SDK1: variants seen among roughly 807,000 people sequenced by gnomAD.
SDK1 encodes the protein protein sidekick-1.
SDK1 carries 157 observed loss-of-function variants against 245.5 expected under a neutral mutation model. The ratio of observed to expected loss-of-function variants is 0.64; its 90% CI spans 0.56 to 0.73. SDK1 has a LOEUF of 0.73. Ranked by LOEUF, SDK1 falls within the 30% of genes least tolerant of loss-of-function variation. The pLI is 0.00. For synonymous variants in SDK1, 1,647 were observed against 1,278.5 expected (o/e 1.29, Z -6.15); for missense variants, 3,583 against 3,002.3 (o/e 1.19, Z -4.52).
chr7:3,863,293 TC>T (rs1179915060), intron 5 of SDK1, among the ~76,000 whole-genome samples: 1 of 152,176 alleles, frequency 6.6e-6, no homozygotes, highest in Non-Finnish European at 1.5e-5. Flanking sequence ...CAGAGACCTT[TC>T]CAGTGAGGGA....
intron 5 of SDK1, among the ~76,000 whole-genome samples, chr7:3,823,430 T>A (rs986384144): frequency 6.6e-6 from 1 of 152,192 alleles, no homozygotes; most frequent in Non-Finnish European, 1.5e-5. Flanking sequence ...TGAAACTGTT[T>A]AACATCACAA....
chr7:3,994,625 G>A (rs913048894), intron 14 of SDK1, among the ~76,000 whole-genome samples: 1 of 137,926 alleles, frequency 7.3e-6, no homozygotes, highest in African/African-American at 2.8e-5. Context: ...CTGGGAGACA[G>A]AATGAGACTT....
intron 4 of SDK1, among the ~76,000 whole-genome samples, chr7:3,817,128 G>A (rs895511823): frequency 6.6e-6 from 1 of 152,148 alleles, no homozygotes; most frequent in African/African-American, 2.4e-5. Context: ...AATACTTATT[G>A]ATAACCAAAG....
intron 1 of SDK1, among the ~76,000 whole-genome samples, chr7:3,521,185 C>G (rs1028255817): frequency 1.3e-5 from 2 of 152,124 alleles, no homozygotes; most frequent in Non-Finnish European, 2.9e-5. Context: ...TCCATGTGAC[C>G]CTGTCCAGCA....
At chr7:3,642,386 G>C (rs1161065912) in intron 4 of SDK1, among the ~76,000 whole-genome samples, 1 of 152,048 alleles carries the variant, frequency 6.6e-6, no homozygotes, top group Non-Finnish European at 1.5e-5. Flanking sequence ...TTTCTTTTCT[G>C]AGTGTACTTT....
intron 4 of SDK1, among the ~76,000 whole-genome samples, chr7:3,688,696 C>T (rs533389230): frequency 2.6e-5 from 4 of 152,290 alleles, no homozygotes; most frequent in Non-Finnish European, 5.9e-5. Flanking sequence ...TGTAAAGTAT[C>T]TTCCAGTGTT....
chr7:3,646,571 G>T (rs906661544), intron 4 of SDK1, among the ~76,000 whole-genome samples: 2 of 152,084 alleles, frequency 1.3e-5, no homozygotes, highest in African/African-American at 4.8e-5. Context: ...CAGAGCCAGG[G>T]TTCACACCCG....
chr7:4,121,050 G>A (rs1044468421), intron 25 of SDK1, among the ~76,000 whole-genome samples: 1 of 151,776 alleles, frequency 6.6e-6, no homozygotes, highest in Non-Finnish European at 1.5e-5. Flanking sequence ...GAATGCAGAG[G>A]ATAATATTTT....
intron 1 of SDK1, among the ~76,000 whole-genome samples, chr7:3,568,997 G>T (rs1247248405): frequency 2.3e-5 from 3 of 131,580 alleles, no homozygotes; most frequent in Non-Finnish European, 4.7e-5. Context: ...AATATTTAGT[G>T]TGGCATATGT....
At chr7:3,951,090 G>A (rs1161576027) in intron 6 of SDK1, 56 bp downstream of exon 6, 2 of 1,276,040 alleles carry the variant, frequency 1.6e-6, no homozygotes, top group Non-Finnish European at 2.3e-6. Context: ...CCTGTGACGA[G>A]CCGACGATAG....
Position 3,665,498 on chromosome 7 carries a change from C to T in SDK1, c.713+23393C>T, listed in dbSNP as rs1026311712. ...TTTGCATCTCTTGTATACAACACAC[C>T]ATAGCACACCACACATATTGATGTT... On this transcript the variant is annotated intron_variant, in intron 4 of 44. Coordinates refer to ENST00000404826, the MANE Select transcript of SDK1 (RefSeq NM_152744.4). 7.2e-5 allele frequency among the ~76,000 whole-genome samples: 11 copies of T among 152,250 alleles called. No homozygotes were observed. The East Asian group carries it at 1.4e-3, about 19-fold the overall frequency.
At chr7:4,243,493 C>A (rs1239763713) in intron 43 of SDK1, among the ~76,000 whole-genome samples, 1 of 152,206 alleles carries the variant, frequency 6.6e-6, no homozygotes, top group Non-Finnish European at 1.5e-5. Context: ...AATGGACTCA[C>A]AGTTCCACAT....
At chr7:3,758,264 C>G (rs952077605) in intron 4 of SDK1, among the ~76,000 whole-genome samples, 7 of 152,214 alleles carry the variant, frequency 4.6e-5, no homozygotes, top group African/African-American at 4.8e-5. Flanking sequence ...GTGGCTCTTG[C>G]TTACAGCATT....
chr7:4,225,020 C>T (rs1376720844), intron 40 of SDK1, among the ~76,000 whole-genome samples: 4 of 125,856 alleles, frequency 3.2e-5, no homozygotes, highest in African/African-American at 8.4e-5. Context: ...AAAAAAAAGA[C>T]ACCCGCACTA....
chr7:3,417,100 G>A (rs928760353), intron 1 of SDK1, among the ~76,000 whole-genome samples: 42 of 152,186 alleles, frequency 2.8e-4, no homozygotes, highest in African/African-American at 8.4e-4. Context: ...CCTGAACCCA[G>A]GAGGTGGAGG....
intron 1 of SDK1, among the ~76,000 whole-genome samples, chr7:3,323,483 C>G (rs1224857758): frequency 3.3e-5 from 5 of 152,172 alleles, no homozygotes; most frequent in Non-Finnish European, 7.3e-5. Flanking sequence ...CTTCCAAACT[C>G]ATTCACATTG....
At chr7:3,636,240 C>T (rs1218894534) in intron 2 of SDK1, among the ~76,000 whole-genome samples, 2 of 152,136 alleles carry the variant, frequency 1.3e-5, no homozygotes, top group African/African-American at 4.8e-5. Context: ...ATAAAACTTA[C>T]CCTCTTAGTA....
chr7:4,146,402 G>A (rs567651723), intron 29 of SDK1, among the ~76,000 whole-genome samples: 524 of 141,066 alleles, frequency 3.7e-3, no homozygotes, highest in African/African-American at 0.013. Flanking sequence ...TGAGCATTTC[G>A]TGACACACTT....
chr7:4,043,842 AC>A (rs2128163621), intron 17 of SDK1, among the ~76,000 whole-genome samples: 2 of 152,170 alleles, frequency 1.3e-5, no homozygotes, highest in South Asian at 4.2e-4. Context: ...CCAGAGCTAA[AC>A]CTACCGAGAA....
Sources: allele counts gnomAD v4.1 joint callset (sites outside exome capture counted in the v4.1 genomes callset), GRCh38; gene constraint gnomAD v4.1.1; transcripts MANE v1.5; gene names NCBI Gene and HGNC (gene_info 2026-07-23, HGNC 2026-07-21).